TMEM67: variants seen among roughly 807,000 people sequenced by gnomAD.
TMEM67 encodes meckelin.
TMEM67 carries 124 observed loss-of-function variants against 136.6 expected under a neutral mutation model. That is an observed-to-expected ratio of 0.91 (90% CI 0.78 to 1.05). TMEM67 has a LOEUF of 1.05. Among genes scored for constraint, TMEM67 ranks in the 50% least tolerant of loss-of-function variants. The pLI, the probability that TMEM67 is intolerant of heterozygous loss-of-function variation, is 0.00. For synonymous variants in TMEM67, 364 were observed against 390.5 expected (o/e 0.93, Z 0.80); for missense variants, 1,107 against 1,178.4 (o/e 0.94, Z 0.89).
chr8:93,829,985 A>G, the TMEM67 span, among the ~76,000 whole-genome samples: 1 of 152,184 alleles, frequency 6.6e-6, no homozygotes, highest in East Asian at 1.9e-4. Flanking sequence ...ATTGTAGGCC[A>G]TAAGACCCCC....
intron 7 of TMEM67, among the ~76,000 whole-genome samples, chr8:93,776,899 A>G (rs868684821): frequency 6.6e-6 from 1 of 152,048 alleles, no homozygotes; most frequent in Non-Finnish European, 1.5e-5. Context: ...CTCTTTTTCT[A>G]TTGATTGAAA....
chr8:93,809,011 T>C (rs1398655947), intron 24 of TMEM67, 46 bp from the exon 25 acceptor site: 1 of 1,534,958 alleles, frequency 6.5e-7, no homozygotes, highest in Non-Finnish European at 9.0e-7. Flanking sequence ...GTTTTTTAGA[T>C]ACCAAGAACA....
At chr8:93,799,189 C>T (rs1198646162) in intron 20 of TMEM67, among the ~76,000 whole-genome samples, 1 of 152,024 alleles carries the variant, frequency 6.6e-6, no homozygotes, top group Non-Finnish European at 1.5e-5. Context: ...TTTTCAAGAA[C>T]TTATGTCCTT....
chr8:93,821,315 T>C (rs2130810543), downstream of TMEM67, among the ~76,000 whole-genome samples: 1 of 152,332 alleles, frequency 6.6e-6, no homozygotes, highest in East Asian at 1.9e-4. Context: ...AGGGTCACTC[T>C]CTGTTGCCCA....
At chr8:93,807,337 T>C (rs1815198504) in intron 23 of TMEM67, among the ~76,000 whole-genome samples, 1 of 152,140 alleles carries the variant, frequency 6.6e-6, no homozygotes, top group African/African-American at 2.4e-5. Flanking sequence ...AGGATCTTTA[T>C]CACAGAGGTT....
chr8:93,794,553 G>A (rs148651687), intron 16 of TMEM67, among the ~76,000 whole-genome samples: 39 of 152,274 alleles, frequency 2.6e-4, no homozygotes, highest in African/African-American at 6.7e-4. Context: ...AGGTATTTCC[G>A]TTTTGTTGAT....
Position 93,780,953 on chromosome 8 carries a change from A to T in TMEM67, c.949A>T (p.Thr317Ser), listed in dbSNP as rs756685729. The T allele has an allele frequency of 6.2e-7, 1 of 1,611,488 alleles. No homozygotes were observed. Among genetic ancestry groups the T allele is most frequent in the Admixed American group, 1.7e-5 (1 of 60,030 alleles). ...AGTGCTCAGTTCTACCTCTCTTCCT[A>T]CAAATTTCAGTTTTAAAGGAGAAAA... ...PQVLSSTSLPTNFSFKGENQN... is the reference protein window; with the variant it reads ...PQVLSSTSLPSNFSFKGENQN... The change falls in exon 9 of 28, where the codon ACA becomes TCA. Residue 317 changes from threonine to serine, a missense_variant. By Grantham distance (58) the Thr-to-Ser change is moderately conservative (BLOSUM62 1). Around this residue, in one of 3 missense-constraint regions of TMEM67, gnomAD observed 925 missense variants for 1,002.4 expected, o/e 0.92. Transcript: ENST00000453321.
chr8:93,760,680 AAAAAAAAG>A (rs1380594851), intron 3 of TMEM67, among the ~76,000 whole-genome samples: 2 of 151,682 alleles, frequency 1.3e-5, no homozygotes, highest in Non-Finnish European at 2.9e-5. Context: ...GTGTCTACAA[AAAAAAAAG>A]AAAAAAAGAA....
Position 93,809,172 on chromosome 8 carries a change from C to T in TMEM67, c.2661+11C>T. ...TCCTTCATTGACCATGTATGTATGT[C>T]AACATTTATATTTAAGCTGGGATCA... On this transcript the variant is annotated intron_variant, in intron 25 of 27. Coordinates refer to ENST00000453321, the MANE Select transcript of TMEM67 (RefSeq NM_153704.6). The T allele has an allele frequency of 7.2e-7, 1 of 1,395,048 alleles. No homozygotes were observed. Among genetic ancestry groups the T allele is most frequent in the East Asian group, 2.3e-5 (1 of 43,778 alleles). 86.4% of individuals were successfully genotyped at this position (1,395,048 alleles called of 1,614,324 possible).
At chr8:93,797,087 CTT>C (rs1486803890) in intron 18 of TMEM67, 45 bp from the exon 19 acceptor site, 4 of 1,137,498 alleles carry the variant, frequency 3.5e-6, no homozygotes, top group Non-Finnish European at 5.3e-6. Context: ...TATAAGCAGA[CTT>C]AACGCTGGTA....
intron 11 of TMEM67, among the ~76,000 whole-genome samples, chr8:93,784,568 T>C (rs961212688): frequency 1.3e-5 from 2 of 152,232 alleles, no homozygotes; most frequent in African/African-American, 2.4e-5. Flanking sequence ...TATAGGTATG[T>C]ACAAGGTACT....
At position 93,804,106 on chromosome 8, in the gene TMEM67, C is replaced by T. The variant is rs375740785; in HGVS notation, c.2322+422C>T. ...ATGTTGGCCAGGCTGGTCTTGAACT[C>T]CTGACCTCAGGTGATCCAGCCTCCC... On this transcript the variant is annotated intron_variant, in intron 22 of 27. Transcript: ENST00000453321. 3.3e-5 allele frequency among the ~76,000 whole-genome samples: 5 copies of T among 151,608 alleles called. No homozygotes were observed. In the East Asian group the frequency reaches 9.7e-4, roughly 29 times the overall value.
chr8:93,797,802 A>G (rs1380824849), intron 20 of TMEM67, among the ~76,000 whole-genome samples: 1 of 152,060 alleles, frequency 6.6e-6, no homozygotes, highest in Non-Finnish European at 1.5e-5. Flanking sequence ...GCCAACATGG[A>G]GAAACCCCGT....
chr8:93,776,711 C>T (rs1452760608), intron 7 of TMEM67, among the ~76,000 whole-genome samples: 1 of 152,134 alleles, frequency 6.6e-6, no homozygotes, highest in Non-Finnish European at 1.5e-5. Context: ...TCAGCTTGAT[C>T]GTGTTGGATA....
chr8:93,776,485 G>T (rs1167658878), intron 7 of TMEM67, among the ~76,000 whole-genome samples: 1 of 152,102 alleles, frequency 6.6e-6, no homozygotes, highest in East Asian at 1.9e-4. Context: ...ATTGGCTGTA[G>T]GTTCGTCATA....
At chr8:93,831,184 C>G in the TMEM67 span, among the ~76,000 whole-genome samples, 2 of 152,172 alleles carry the variant, frequency 1.3e-5, no homozygotes, top group African/African-American at 4.8e-5. Flanking sequence ...AGGAGACAAC[C>G]CATGTGAGTG....
At chr8:93,798,607 C>G (rs1814723363) in intron 20 of TMEM67, among the ~76,000 whole-genome samples, 1 of 152,152 alleles carries the variant, frequency 6.6e-6, no homozygotes, top group Non-Finnish European at 1.5e-5. Flanking sequence ...GAATTATCTG[C>G]TTAATTAAGA....
At chr8:93,802,845 A>G (rs1053256647) in intron 21 of TMEM67, among the ~76,000 whole-genome samples, 1 of 152,144 alleles carries the variant, frequency 6.6e-6, no homozygotes, top group Non-Finnish European at 1.5e-5. Context: ...ATTTGAGTGC[A>G]TTTTATGTAT....
intron 26 of TMEM67, 76 bp downstream of exon 26, chr8:93,809,963 CT>C (rs1191317656): frequency 1.7e-5 from 13 of 746,486 alleles, no homozygotes; most frequent in Middle Eastern, 3.9e-4. Context: ...AGATATTTTT[CT>C]TTTTTTCTTT....
Sources: gnomAD v4.1 joint callset for allele counts (sites outside exome capture counted in the v4.1 genomes callset) on GRCh38, gnomAD v4.1.1 for gene constraint, gnomAD v4.1.1 regional missense constraint, MANE v1.5 for transcripts, NCBI Gene and HGNC (gene_info 2026-07-23, HGNC 2026-07-21) for gene names.